The following RASGRF1 variants were observed in gnomAD, a reference collection of about 807,000 sequenced individuals.
RASGRF1 encodes the protein ras-specific guanine nucleotide-releasing factor 1.
A neutral mutation model predicts 138.7 loss-of-function variants in RASGRF1; 40 were observed. That is an observed-to-expected ratio of 0.29 (90% CI 0.22 to 0.38). The LOEUF (loss-of-function observed/expected upper bound fraction) is 0.38, where lower values mean the gene tolerates loss of function less well. Ranked by LOEUF, RASGRF1 falls within the 10% of genes least tolerant of loss-of-function variation. The pLI, the probability that RASGRF1 is intolerant of heterozygous loss-of-function variation, is 1.00. For missense variants in RASGRF1, 1,108 were observed against 1,650.4 expected (o/e 0.67, Z 5.69); for synonymous variants, 614 against 663.2 (o/e 0.93, Z 1.14).
chr15:78,985,612 A>C, intron 22 of RASGRF1: 1 of 174,316 alleles, frequency 5.7e-6, no homozygotes, highest in Admixed American at 5.6e-5. Flanking sequence ...CATGTGTTTA[A>C]TGTAATCCAA....
rs151226425 is a variant in RASGRF1, at chr15:79,069,194, T to C, written c.277-4668A>G. On this transcript the variant is annotated intron_variant, in intron 1 of 26. Coordinates refer to ENST00000558480, the MANE Select transcript of RASGRF1 (RefSeq NM_001145648.3). ...CTAGTACTGAGTGGATGCTGATGAA[T>C]AGCTGAAGAATGAGTGAATGAACAG... is the stretch of plus-strand genomic sequence containing the variant. Among the ~76,000 whole-genome samples the C allele has an allele frequency of 5.9e-3, 892 of 152,282 alleles. 13 individuals are homozygous for C. The highest frequency in any genetic ancestry group is 0.021 in the African/African-American group (856 of 41,534).
intron 12 of RASGRF1, among the ~76,000 whole-genome samples, chr15:79,015,970 C>T (rs933028154): frequency 2.6e-5 from 4 of 152,160 alleles, no homozygotes; most frequent in Non-Finnish European, 2.9e-5. Flanking sequence ...AGGCTGCTGG[C>T]GGGAGGGGCA....
chr15:79,090,358 C>T lies in RASGRF1; in HGVS notation c.141G>A (p.Leu47=). 6.2e-7 allele frequency: 1 copy of T among 1,613,910 alleles called. No individual in the cohort carries two copies. The highest frequency in any genetic ancestry group is 8.5e-7 in the Non-Finnish European group (1 of 1,179,996). Residue 47 remains leucine (L), a synonymous_variant, in exon 1 of 27, where the codon CTG becomes CTA. Coordinates refer to ENST00000558480, the MANE Select transcript of RASGRF1 (RefSeq NM_001145648.3). ...TCTCGAAGTAGAAGAGCAGGTTCTG[C>T]AGCAGCGCGAACCACTTGGTTTGCC... ...TKWQTKWFAL[L]QNLLFYFESD...
chr15:79,033,531 G>A (rs548151653), intron 6 of RASGRF1, among the ~76,000 whole-genome samples: 1 of 148,678 alleles, frequency 6.7e-6, no homozygotes, highest in South Asian at 2.1e-4. Context: ...GATTAAAGGC[G>A]TGAGCCACTG....
intron 11 of RASGRF1, among the ~76,000 whole-genome samples, chr15:79,019,808 A>G (rs1487427571): frequency 6.6e-6 from 1 of 152,174 alleles, no homozygotes; most frequent in East Asian, 1.9e-4. Context: ...CTCTTTCTTT[A>G]AAGCCTCAGG....
At chr15:79,052,242 C>T (rs2057443461) in intron 3 of RASGRF1, among the ~76,000 whole-genome samples, 1 of 152,234 alleles carries the variant, frequency 6.6e-6, no homozygotes, top group African/African-American at 2.4e-5. Flanking sequence ...CTCCACCCTA[C>T]TCCCCTCTCT....
intron 7 of RASGRF1, among the ~76,000 whole-genome samples, chr15:79,031,879 G>C (rs1198574194): frequency 6.6e-6 from 1 of 152,134 alleles, no homozygotes; most frequent in African/African-American, 2.4e-5. Context: ...GTCTTGTCTA[G>C]GGCTCTGCTC....
intron 5 of RASGRF1, among the ~76,000 whole-genome samples, chr15:79,035,718 A>T (rs2057211932): frequency 6.6e-6 from 1 of 152,228 alleles, no homozygotes; most frequent in African/African-American, 2.4e-5. Flanking sequence ...GAGACCATGA[A>T]TAAGTTATCT....
At chr15:78,996,765 C>T (rs1368207491) in intron 19 of RASGRF1, among the ~76,000 whole-genome samples, 1 of 152,190 alleles carries the variant, frequency 6.6e-6, no homozygotes, top group African/African-American at 2.4e-5. Context: ...CATGTGTGCA[C>T]ACACTCTGGC....
At chr15:78,979,308 C>T (rs1196007474) in intron 24 of RASGRF1, 72 of 807,242 alleles carry the variant, frequency 8.9e-5, no homozygotes, top group Non-Finnish European at 9.7e-5. Flanking sequence ...AGGAGGCAGA[C>T]GAGGCTGGCA....
chr15:78,964,457 G>A (rs2055605564), intron 26 of RASGRF1, among the ~76,000 whole-genome samples: 1 of 152,336 alleles, frequency 6.6e-6, no homozygotes, highest in South Asian at 2.1e-4. Flanking sequence ...TCACAGGCAT[G>A]AGCCACTGGC....
chr15:79,084,582 T>C (rs925921949), intron 1 of RASGRF1, among the ~76,000 whole-genome samples: 2 of 152,210 alleles, frequency 1.3e-5, no homozygotes, highest in Non-Finnish European at 2.9e-5. Flanking sequence ...TTTTGTTCGG[T>C]CCACCCCTCT....
In RASGRF1 at chr15:78,992,286, C is replaced by T. The variant is rs140908473; in HGVS notation, c.3028-492G>A. 3.8e-3 allele frequency among the ~76,000 whole-genome samples: 580 copies of T among 152,332 alleles called. 3 individuals carry two copies. Among genetic ancestry groups the T allele is most frequent in the Admixed American group, 7.5e-3 (115 of 15,308 alleles). ...CAGGCGTGATTAGCTCCTGGGATGGCCCTGTGCTCAGAAGACAGCTGTCCT... is the reference window on the plus strand; with the variant it reads ...CAGGCGTGATTAGCTCCTGGGATGGTCCTGTGCTCAGAAGACAGCTGTCCT... On this transcript the variant is annotated intron_variant, in intron 20 of 26. Transcript: ENST00000558480.
Position 79,027,615 on chromosome 15 carries a change from C to T in RASGRF1, c.1381+126G>A. The T allele has an allele frequency of 1.3e-6, 1 of 755,914 alleles. No individual in the cohort carries two copies. The highest frequency in any genetic ancestry group is 2.5e-5 in the East Asian group (1 of 39,596). 46.8% of individuals were successfully genotyped at this position (755,914 alleles called of 1,614,324 possible). A position where few individuals can be genotyped will look rare whatever the true frequency, so the allele number is the denominator to read the frequency against. On this transcript the variant is annotated intron_variant, in intron 9 of 26. Coordinates refer to ENST00000558480, the MANE Select transcript of RASGRF1 (RefSeq NM_001145648.3). This position sits in a 1 kb window ranked among gnomAD's most constrained non-coding sequence, Gnocchi z 4.8. ...CCGCCAGCAGCCTGGGAATATTCTG[C>T]AATCACATTGGCAGGTCTTGGCATG...
chr15:79,022,001 T>C (rs2056968348), intron 10 of RASGRF1, among the ~76,000 whole-genome samples: 1 of 152,194 alleles, frequency 6.6e-6, no homozygotes, highest in Admixed American at 6.5e-5. Context: ...AAAGGAGGTA[T>C]TTCTACACCC....
At chr15:79,036,436 T>C (rs1188692953) in intron 5 of RASGRF1, among the ~76,000 whole-genome samples, 2 of 152,164 alleles carry the variant, frequency 1.3e-5, no homozygotes, top group Non-Finnish European at 2.9e-5. Flanking sequence ...CGCCTCTGTT[T>C]CTCCACTGCT....
At chr15:79,086,135 C>A (rs116400715) in intron 1 of RASGRF1, among the ~76,000 whole-genome samples, 6,793 of 152,244 alleles carry the variant, frequency 0.045, 518 homozygotes, top group African/African-American at 0.15. Context: ...GGTAGTCTTG[C>A]TGGTTTCCTA....
chr15:79,070,194 G>C (rs1220252544), intron 1 of RASGRF1, among the ~76,000 whole-genome samples: 1 of 152,208 alleles, frequency 6.6e-6, no homozygotes. Context: ...GTGTCCCGTT[G>C]ATCTTCTGGG....
chr15:79,056,942 G>A (rs1438230444), intron 3 of RASGRF1, among the ~76,000 whole-genome samples: 1 of 152,186 alleles, frequency 6.6e-6, no homozygotes, highest in African/African-American at 2.4e-5. Context: ...ATGGGACCAT[G>A]AGCACACTGC....
Sources: allele counts gnomAD v4.1 joint callset (sites outside exome capture counted in the v4.1 genomes callset), GRCh38; gene constraint gnomAD v4.1.1; non-coding constraint Gnocchi (gnomAD v3.1); transcripts MANE v1.5; gene names NCBI Gene and HGNC (gene_info 2026-07-23, HGNC 2026-07-21).